CMIP: variants seen among roughly 807,000 people sequenced by gnomAD.
CMIP encodes the protein C-Maf-inducing protein.
In CMIP, 13 loss-of-function variants were observed where a neutral mutation model predicts 97.3. The observed-to-expected ratio is 0.13, with a 90% CI of 0.09 to 0.21. The LOEUF (loss-of-function observed/expected upper bound fraction) is 0.21, where lower values mean the gene tolerates loss of function less well. CMIP is among the 10% of genes least tolerant of loss of function. The probability of loss-of-function intolerance (pLI) is 1.00; values close to 1 mark genes in which losing one functional copy is unlikely to be tolerated. For missense variants in CMIP, 847 were observed against 1,024.9 expected (o/e 0.83, Z 2.37); for synonymous variants, 538 against 436.3 (o/e 1.23, Z -2.91).
At chr16:81,683,476 GC>G (rs1567660232) in intron 10 of CMIP, among the ~76,000 whole-genome samples, 2 of 152,094 alleles carry the variant, frequency 1.3e-5, no homozygotes, top group Non-Finnish European at 2.9e-5. Flanking sequence ...TGCAACCTCT[GC>G]CCCCCAGGTT....
At chr16:81,515,669 A>G (rs567083507) in intron 1 of CMIP, among the ~76,000 whole-genome samples, 1 of 152,300 alleles carries the variant, frequency 6.6e-6, no homozygotes, top group Admixed American at 6.5e-5. Context: ...ACCAGGCGCT[A>G]TTCTAAGGAC....
At chr16:81,483,177 G>C (rs2089257523) in intron 1 of CMIP, among the ~76,000 whole-genome samples, 1 of 152,218 alleles carries the variant, frequency 6.6e-6, no homozygotes, top group African/African-American at 2.4e-5. Flanking sequence ...GGTGACCAAA[G>C]AAAATCTGGA....
chr16:81,511,163 C>T (rs1352705946), intron 1 of CMIP, among the ~76,000 whole-genome samples: 1 of 152,188 alleles, frequency 6.6e-6, no homozygotes, highest in Non-Finnish European at 1.5e-5. Context: ...TCTCTCCCAG[C>T]CACTGTTTAG....
intron 20 of CMIP, among the ~76,000 whole-genome samples, chr16:81,707,870 G>A (rs1908322891): frequency 6.6e-6 from 1 of 152,220 alleles, no homozygotes; most frequent in Non-Finnish European, 1.5e-5. Flanking sequence ...AGAAGGCACA[G>A]ATGGCACCCG....
intron 3 of CMIP, among the ~76,000 whole-genome samples, chr16:81,643,575 A>T (rs2092330765): frequency 1.3e-5 from 2 of 152,148 alleles, no homozygotes; most frequent in Admixed American, 6.5e-5. Flanking sequence ...AGATCATCTG[A>T]GGTCAGGAGT....
chr16:81,504,011 G>A (rs905193286), intron 1 of CMIP, among the ~76,000 whole-genome samples: 3 of 152,214 alleles, frequency 2.0e-5, no homozygotes, highest in Non-Finnish European at 4.4e-5. Context: ...GGAAGGTTCA[G>A]TTATTTCACC....
intron 1 of CMIP, among the ~76,000 whole-genome samples, chr16:81,557,781 T>A (rs989737886): frequency 6.6e-6 from 1 of 152,126 alleles, no homozygotes; most frequent in Non-Finnish European, 1.5e-5. Context: ...ACAAGACAAT[T>A]GTGGTGAAAT....
intron 1 of CMIP, among the ~76,000 whole-genome samples, chr16:81,484,518 G>A (rs1475289766): frequency 6.6e-6 from 1 of 152,150 alleles, no homozygotes; most frequent in African/African-American, 2.4e-5. Context: ...CAACCTCCCC[G>A]CCCAGTACAA....
chr16:81,488,232 G>A (rs1217689851), intron 1 of CMIP, among the ~76,000 whole-genome samples: 1 of 152,050 alleles, frequency 6.6e-6, no homozygotes, highest in Non-Finnish European at 1.5e-5. Context: ...CGACCGTAGG[G>A]GGTTAAGGGC....
intron 1 of CMIP, among the ~76,000 whole-genome samples, chr16:81,581,469 A>C (rs1172613262): frequency 1.3e-5 from 2 of 152,174 alleles, no homozygotes; most frequent in Non-Finnish European, 2.9e-5. Context: ...CATAGTGGTA[A>C]GTATTTGTGT....
intron 8 of CMIP, among the ~76,000 whole-genome samples, 163 bp downstream of exon 8, chr16:81,670,408 A>G (rs2092671287): frequency 6.6e-6 from 1 of 152,136 alleles, no homozygotes; most frequent in Admixed American, 6.5e-5. Context: ...ACTCGGACAC[A>G]CTGGACCTCA....
At chr16:81,584,664 G>A (rs2091351087) in intron 1 of CMIP, among the ~76,000 whole-genome samples, 3 of 152,144 alleles carry the variant, frequency 2.0e-5, no homozygotes, top group Non-Finnish European at 4.4e-5. Context: ...TGAAGCTCAT[G>A]GAAATAAACA....
intron 18 of CMIP, among the ~76,000 whole-genome samples, chr16:81,704,943 G>A (rs1265463563): frequency 6.6e-6 from 1 of 151,768 alleles, no homozygotes; most frequent in Non-Finnish European, 1.5e-5. Context: ...TCGCTGGCCT[G>A]CGGGGGGCTG....
At chr16:81,550,634 T>G (rs1415657208) in intron 1 of CMIP, among the ~76,000 whole-genome samples, 1 of 152,176 alleles carries the variant, frequency 6.6e-6, no homozygotes, top group Non-Finnish European at 1.5e-5. Context: ...GAGGACCCAG[T>G]GGAGCTGTTT....
chr16:81,706,551 G>T (rs114539126), intron 19 of CMIP, among the ~76,000 whole-genome samples: 2 of 152,244 alleles, frequency 1.3e-5, no homozygotes, highest in South Asian at 2.1e-4. Context: ...GCCCTGCTCA[G>T]CGTCTCTGGG....
chr16:81,555,233 A>G (rs1036385408), intron 1 of CMIP, among the ~76,000 whole-genome samples: 1 of 152,202 alleles, frequency 6.6e-6, no homozygotes, highest in African/African-American at 2.4e-5. Flanking sequence ...GGCCTCATCC[A>G]GGGAGGGGAA....
intron 1 of CMIP, among the ~76,000 whole-genome samples, chr16:81,587,095 A>C (rs1487375640): frequency 1.3e-5 from 2 of 152,176 alleles, no homozygotes; most frequent in Non-Finnish European, 2.9e-5. Context: ...TGATTCCCTA[A>C]TAGCAGTTAA....
chr16:81,707,745 C>G (rs950342670), intron 20 of CMIP, among the ~76,000 whole-genome samples: 1 of 152,240 alleles, frequency 6.6e-6, no homozygotes, highest in Non-Finnish European at 1.5e-5. Context: ...GAGCCAGGCC[C>G]TCAGTCGCCT....
chr16:81,678,650 C>A, intron 10 of CMIP, 22 bp downstream of exon 10: 1 of 1,227,464 alleles, frequency 8.1e-7, no homozygotes, highest in Non-Finnish European at 1.2e-6. Context: ...CCCCGCGTGC[C>A]CGCCCCCGGG....
Sources: gnomAD v4.1 joint callset for allele counts (sites outside exome capture counted in the v4.1 genomes callset) on GRCh38, gnomAD v4.1.1 for gene constraint, MANE v1.5 for transcripts, NCBI Gene and HGNC (gene_info 2026-07-23, HGNC 2026-07-21) for gene names.